Variants in AK4 observed in about 807,000 individuals in gnomAD.
AK4 encodes adenylate kinase 4.
In AK4, 13 loss-of-function variants were observed where a neutral mutation model predicts 24.6. The ratio of observed to expected loss-of-function variants is 0.53; its 90% CI spans 0.34 to 0.84. The LOEUF (loss-of-function observed/expected upper bound fraction) is 0.84. Ranked by LOEUF, AK4 falls within the 40% of genes least tolerant of loss-of-function variation. The pLI is 0.01. For missense variants in AK4, 192 were observed against 288.2 expected, an observed-to-expected ratio of 0.67 and a Z score of 2.42; for synonymous variants, 88 against 107.0, an observed-to-expected ratio of 0.82 and a Z score of 1.10.
intron 1 of AK4, among the ~76,000 whole-genome samples, chr1:65,161,700 A>C (rs1397549439): frequency 1.3e-5 from 2 of 151,960 alleles, no homozygotes; most frequent in Non-Finnish European, 2.9e-5. Context: ...TTGAATAGTA[A>C]TTTTTTTTCA....
At chr1:65,222,416 C>G (rs868648845) in intron 3 of AK4, among the ~76,000 whole-genome samples, 1 of 152,258 alleles carries the variant, frequency 6.6e-6, no homozygotes, top group South Asian at 2.1e-4. Flanking sequence ...AAGAGAAAAG[C>G]CTTACTGAGG....
intron 2 of AK4, among the ~76,000 whole-genome samples, chr1:65,192,861 CTG>C (rs1462107615): frequency 6.6e-6 from 1 of 152,214 alleles, no homozygotes; most frequent in East Asian, 1.9e-4. Flanking sequence ...GGAATAATCT[CTG>C]TGGACTCCAT....
chr1:65,157,244 C>T (rs918143777), intron 1 of AK4, among the ~76,000 whole-genome samples: 1 of 152,188 alleles, frequency 6.6e-6, no homozygotes, highest in Non-Finnish European at 1.5e-5. Flanking sequence ...CTCATGGACT[C>T]ACAGGAGTCC....
chr1:65,229,146 T>C lies in AK4; in HGVS notation c.*2969T>C, dbSNP rs1042653889. On this transcript the variant is annotated 3_prime_UTR_variant, in exon 5 of 5. Transcript: ENST00000327299. ...GTAGCCAGGACTCCAGCCCAGGTTT[T>C]CCTGACTCAGAAGACTGAGCTTTTT... 3 of 152,118 alleles carry C rather than the reference T, an allele frequency of 2.0e-5. No individual in the cohort carries two copies. Among genetic ancestry groups the C allele is most frequent in the African/African-American group, 7.2e-5 (3 of 41,418 alleles). The allele number at this position is 152,118 out of a possible 1,614,324, so 9.4% of individuals were successfully genotyped here.
intron 1 of AK4, among the ~76,000 whole-genome samples, chr1:65,179,758 C>G (rs528547042): frequency 2.6e-5 from 4 of 152,162 alleles, no homozygotes; most frequent in Admixed American, 6.5e-5. Context: ...TCGCTTGAGT[C>G]TGGGAGGTCA....
At chr1:65,164,650 A>G (rs751215765) in intron 1 of AK4, among the ~76,000 whole-genome samples, 14 of 152,196 alleles carry the variant, frequency 9.2e-5, no homozygotes, top group African/African-American at 3.1e-4. Context: ...TATTCTGGAT[A>G]CAAGTCACTT....
At chr1:65,190,625 G>GGAGA in intron 1 of AK4, 85 bp from the exon 2 acceptor site, 1 of 1,481,276 alleles carries the variant, frequency 6.8e-7, no homozygotes. Context: ...CAGGAAGGAT[G>GGAGA]GAGAGAAGGC....
rs1320232356 is a variant in AK4, at chr1:65,226,639, C to T, written c.*462C>T. Reference sequence around the variant, plus strand: ...TGTCCCAGGCTTTCTGGTGTGTGCCCTCCTGGTAACAGTGAAATTGAAGCT... The same window carrying T: ...TGTCCCAGGCTTTCTGGTGTGTGCCTTCCTGGTAACAGTGAAATTGAAGCT... On this transcript the variant is annotated 3_prime_UTR_variant, in exon 5 of 5. Transcript: ENST00000327299. The T allele has an allele frequency of 4.6e-5, 7 of 153,818 alleles. No individual in the cohort carries two copies. Among genetic ancestry groups the T allele is most frequent in the African/African-American group, 9.7e-5 (4 of 41,388 alleles). 9.5% of individuals were successfully genotyped at this position (153,818 alleles called of 1,614,324 possible). A position where few individuals can be genotyped will look rare whatever the true frequency, so the allele number is the denominator to read the frequency against.
In AK4 at chr1:65,224,737, A is replaced by G. The variant is rs1652400786; in HGVS notation, c.439-15A>G. 6.2e-7 allele frequency: 1 copy of G among 1,603,452 alleles called. No homozygotes were observed. Among genetic ancestry groups the G allele is most frequent in the African/African-American group, 1.3e-5 (1 of 74,590 alleles). On this transcript the variant is annotated splice_polypyrimidine_tract_variant and intron_variant, in intron 3 of 4. Transcript: ENST00000327299. ...AACTGTTGTCTATATTAATTGGTTT[A>G]TTTGGTATTTGTAGGGTATTGATGA...
rs1652602069 is a variant in AK4, at chr1:65,230,301, A to G, written c.*4124A>G. On this transcript the variant is annotated 3_prime_UTR_variant, in exon 5 of 5. Transcript: ENST00000327299. Reference sequence around the variant, plus strand: ...ACTGTGGTTTTTCCTGCTATTTAAGATGTTGAGACCGGATAACTTTAGAAA... The same window carrying G: ...ACTGTGGTTTTTCCTGCTATTTAAGGTGTTGAGACCGGATAACTTTAGAAA... 6.6e-6 allele frequency: 1 copy of G among 152,148 alleles called. No homozygotes were observed. Among genetic ancestry groups the G allele is most frequent in the Non-Finnish European group, 1.5e-5 (1 of 68,030 alleles). The allele number at this position is 152,148 out of a possible 1,614,324, so 9.4% of individuals were successfully genotyped here.
intron 2 of AK4, among the ~76,000 whole-genome samples, chr1:65,207,608 G>C (rs1302845733): frequency 6.6e-6 from 1 of 150,942 alleles, no homozygotes; most frequent in Non-Finnish European, 1.5e-5. Flanking sequence ...TACATGTGCA[G>C]GTTCGTTACA....
rs1464321448 is a variant in AK4, at chr1:65,231,935, A to T, written c.*5758A>T. On this transcript the variant is annotated 3_prime_UTR_variant, in exon 5 of 5. Transcript: ENST00000327299. ...CAAGTTTCCCAGAAGTCGTGTGTTTATGATGAGTCAGAGTGCTTTTCCTCG... is the reference window on the plus strand; with the variant it reads ...CAAGTTTCCCAGAAGTCGTGTGTTTTTGATGAGTCAGAGTGCTTTTCCTCG... The T allele has an allele frequency of 6.6e-6, 1 of 152,222 alleles. No homozygotes were observed. Among genetic ancestry groups the T allele is most frequent in the Non-Finnish European group, 1.5e-5 (1 of 68,062 alleles). 9.4% of individuals were successfully genotyped at this position (152,222 alleles called of 1,614,324 possible).
Position 65,228,809 on chromosome 1 carries a change from A to G in AK4, c.*2632A>G, listed in dbSNP as rs1203865389. On this transcript the variant is annotated 3_prime_UTR_variant, in exon 5 of 5. Coordinates refer to ENST00000327299, the MANE Select transcript of AK4 (RefSeq NM_013410.4). ...AGATGGTTTCTAAGATGCCAACCTG[A>G]CCTCGCATTCTGTCATTCTACCCAG... is the stretch of plus-strand genomic sequence containing the variant. The G allele has an allele frequency of 6.6e-6, 1 of 151,454 alleles. No individual in the cohort carries two copies. The highest frequency in any genetic ancestry group is 1.5e-5 in the Non-Finnish European group (1 of 67,928). The allele number at this position is 151,454 out of a possible 1,614,324, so 9.4% of individuals were successfully genotyped here. A position where few individuals can be genotyped will look rare whatever the true frequency, so the allele number is the denominator to read the frequency against.
At chr1:65,222,191 A>G (rs1015924677) in intron 3 of AK4, among the ~76,000 whole-genome samples, 1 of 152,042 alleles carries the variant, frequency 6.6e-6, no homozygotes, top group Non-Finnish European at 1.5e-5. Flanking sequence ...CCCCACCCTA[A>G]CCTTATTATA....
intron 1 of AK4, among the ~76,000 whole-genome samples, chr1:65,180,180 G>T (rs1650851293): frequency 6.6e-6 from 1 of 152,144 alleles, no homozygotes; most frequent in Non-Finnish European, 1.5e-5. Flanking sequence ...AGGTGCTGGG[G>T]CTCATGTCTG....
chr1:65,196,343 G>A (rs1651469965), intron 2 of AK4, among the ~76,000 whole-genome samples: 1 of 152,152 alleles, frequency 6.6e-6, no homozygotes, highest in African/African-American at 2.4e-5. Flanking sequence ...CCCCAAGTGG[G>A]GATGTGGGGA....
intron 1 of AK4, chr1:65,154,560 G>T (rs6660780): frequency 0.25 from 132,336 of 519,876 alleles, 18,845 homozygotes; most frequent in East Asian, 0.52. Flanking sequence ...GTTCAAACCG[G>T]CACTGTCTGA....
intron 1 of AK4, among the ~76,000 whole-genome samples, chr1:65,159,019 A>C (rs993607485): frequency 6.6e-6 from 1 of 152,186 alleles, no homozygotes; most frequent in Non-Finnish European, 1.5e-5. Flanking sequence ...GAGTTTTTGT[A>C]CTAGTTAAAC....
chr1:65,167,956 C>G (rs1650387638), intron 1 of AK4, among the ~76,000 whole-genome samples: 1 of 152,162 alleles, frequency 6.6e-6, no homozygotes, highest in African/African-American at 2.4e-5. Context: ...CTAGGCAGCA[C>G]TTCTCTGACT....
Sources: allele counts gnomAD v4.1 joint callset (sites outside exome capture counted in the v4.1 genomes callset), GRCh38; gene constraint gnomAD v4.1.1; transcripts MANE v1.5; gene names NCBI Gene and HGNC (gene_info 2026-07-23, HGNC 2026-07-21).